The following SLC9A2 variants were observed in gnomAD, a reference collection of about 807,000 sequenced individuals.
SLC9A2 encodes the protein solute carrier family 9 member A2.
A neutral mutation model predicts 71.7 loss-of-function variants in SLC9A2; 42 were observed. That is an observed-to-expected ratio of 0.59 (90% confidence interval 0.46 to 0.76). The LOEUF (loss-of-function observed/expected upper bound fraction) is 0.76, where lower values mean the gene tolerates loss of function less well. SLC9A2 is among the 30% of genes least tolerant of loss of function. The pLI, the probability that SLC9A2 is intolerant of heterozygous loss-of-function variation, is 0.00. For synonymous variants in SLC9A2, 396 were observed against 392.5 expected, an observed-to-expected ratio of 1.01 and a Z score of -0.10; for missense variants, 829 against 1,017.4, an observed-to-expected ratio of 0.81 and a Z score of 2.52.
chr2:102,620,091 C>T lies in SLC9A2; in HGVS notation c.243C>T (p.Pro81=), dbSNP rs2104491326. 3 of 1,613,512 alleles carry T rather than the reference C, an allele frequency of 1.9e-6. No individual in the cohort carries two copies. The highest frequency in any genetic ancestry group is 1.1e-5 in the South Asian group (1 of 90,984). Reference sequence around the variant, plus strand: ...TGGATTACCCCCACGTGCAGATCCCCTTCGAGATCACCCTTTGGATCCTGC... The same window carrying T: ...TGGATTACCCCCACGTGCAGATCCCTTTCGAGATCACCCTTTGGATCCTGC... ...FTLDYPHVQI[P]FEITLWILLA... is the part of the protein sequence containing the mutation. Residue 81 remains proline, a synonymous_variant, in exon 1 of 12, where the codon CCC becomes CCT. Coordinates refer to ENST00000233969, the MANE Select transcript of SLC9A2 (RefSeq NM_003048.6).
rs13413012 is a variant in SLC9A2, at chr2:102,701,335, G to A, written c.1748+104G>A. On this transcript the variant is annotated intron_variant, in intron 8 of 11. Transcript: ENST00000233969. ...TAAAAAAATTATTATTAATTGATCC[G>A]CCCCCCTCGGCCTCCCAGAGTGCTG... 2.8e-3 allele frequency: 2,393 copies of A among 857,370 alleles called. 47 individuals carry two copies. The African/African-American group carries it at 0.038, about 14-fold the overall frequency. The allele number at this position is 857,370 out of a possible 1,614,324, so 53.1% of individuals were successfully genotyped here. A position where few individuals can be genotyped will look rare whatever the true frequency, so the allele number is the denominator to read the frequency against.
intron 11 of SLC9A2, among the ~76,000 whole-genome samples, chr2:102,707,515 G>A (rs955451276): frequency 2.6e-5 from 4 of 152,034 alleles, no homozygotes; most frequent in South Asian, 4.1e-4. Flanking sequence ...TGCCCTACCC[G>A]TAGCACTCTA....
intron 3 of SLC9A2, among the ~76,000 whole-genome samples, chr2:102,670,304 C>T (rs1677221173): frequency 6.6e-6 from 1 of 152,050 alleles, no homozygotes; most frequent in East Asian, 1.9e-4. Flanking sequence ...GCAGGAGCCA[C>T]CACGCCCGGC....
chr2:102,682,704 A>T (rs979362857), intron 3 of SLC9A2, among the ~76,000 whole-genome samples: 1 of 152,218 alleles, frequency 6.6e-6, no homozygotes, highest in Admixed American at 6.5e-5. Context: ...ACTAAGGATA[A>T]AAAGAAGTGA....
intron 10 of SLC9A2, 148 bp downstream of exon 10, chr2:102,704,823 A>T: frequency 1.3e-6 from 1 of 758,124 alleles, no homozygotes; most frequent in Non-Finnish European, 2.1e-6. Context: ...GGCCGGGGGA[A>T]GTGAGTGTTC....
At chr2:102,631,721 A>G (rs1676359964) in intron 1 of SLC9A2, among the ~76,000 whole-genome samples, 1 of 151,914 alleles carries the variant, frequency 6.6e-6, no homozygotes, top group African/African-American at 2.4e-5. Flanking sequence ...CTTTAATGTA[A>G]GGTAAAAATA....
intron 1 of SLC9A2, among the ~76,000 whole-genome samples, chr2:102,644,626 C>T (rs1274462857): frequency 6.6e-6 from 1 of 152,136 alleles, no homozygotes; most frequent in Non-Finnish European, 1.5e-5. Flanking sequence ...GAGCTTGGTG[C>T]AGGGAGGGGT....
intron 1 of SLC9A2, among the ~76,000 whole-genome samples, chr2:102,639,693 CACTT>C (rs1319250583): frequency 6.6e-6 from 1 of 152,222 alleles, no homozygotes; most frequent in Non-Finnish European, 1.5e-5. Flanking sequence ...GTCCATTAAA[CACTT>C]ACTCCCTGTC....
At chr2:102,669,263 T>C (rs1163982426) in intron 3 of SLC9A2, among the ~76,000 whole-genome samples, 1 of 152,232 alleles carries the variant, frequency 6.6e-6, no homozygotes, top group Non-Finnish European at 1.5e-5. Context: ...TTTGTGGCCC[T>C]TCCTAATATT....
intron 7 of SLC9A2, among the ~76,000 whole-genome samples, chr2:102,696,882 C>T (rs548036517): frequency 4.7e-4 from 71 of 152,244 alleles, no homozygotes; most frequent in Non-Finnish European, 7.9e-4. Flanking sequence ...GGGAAGTATT[C>T]CCTTTTCTGG....
chr2:102,640,088 T>G (rs10181400), intron 1 of SLC9A2, among the ~76,000 whole-genome samples: 1 of 151,980 alleles, frequency 6.6e-6, no homozygotes, highest in African/African-American at 2.4e-5. Context: ...AGTTAAAACA[T>G]GCACATCTGC....
intron 3 of SLC9A2, among the ~76,000 whole-genome samples, chr2:102,679,024 G>A (rs998459086): frequency 3.3e-5 from 5 of 152,132 alleles, no homozygotes; most frequent in Admixed American, 6.5e-5. Context: ...AAACAGCCCC[G>A]GACCTTTGCT....
intron 10 of SLC9A2, among the ~76,000 whole-genome samples, chr2:102,705,373 TA>T (rs1349266704): frequency 3.3e-5 from 5 of 152,074 alleles, no homozygotes; most frequent in African/African-American, 1.2e-4. Flanking sequence ...AAAGTTAATT[TA>T]AAACACTAGC....
intron 8 of SLC9A2, 30 bp from the exon 9 acceptor site, chr2:102,702,376 G>C (rs1313785872): frequency 8.2e-7 from 1 of 1,215,066 alleles, no homozygotes; most frequent in Non-Finnish European, 1.2e-6. Flanking sequence ...TTGTTGAAAG[G>C]TAAAATATTC....
intron 1 of SLC9A2, among the ~76,000 whole-genome samples, chr2:102,646,785 A>ATATATATC (rs1558706172): frequency 1.3e-5 from 2 of 148,152 alleles, no homozygotes; most frequent in African/African-American, 5.1e-5. Flanking sequence ...ATATATATAT[A>ATATATATC]TATATCTCCA....
At chr2:102,660,108 G>A (rs1488778648) in intron 2 of SLC9A2, among the ~76,000 whole-genome samples, 7 of 152,154 alleles carry the variant, frequency 4.6e-5, no homozygotes, top group Admixed American at 6.5e-5. Flanking sequence ...ACTGTTTAGA[G>A]TATGCAAAGG....
chr2:102,666,020 C>T (rs1020040625), intron 3 of SLC9A2, among the ~76,000 whole-genome samples: 4 of 151,932 alleles, frequency 2.6e-5, no homozygotes, highest in Non-Finnish European at 5.9e-5. Flanking sequence ...AAGCTTATTC[C>T]AACAAAGTTG....
At chr2:102,706,597 G>C (rs1677981487) in intron 11 of SLC9A2, among the ~76,000 whole-genome samples, 1 of 152,142 alleles carries the variant, frequency 6.6e-6, no homozygotes, top group South Asian at 2.1e-4. Context: ...AAAAGAATGA[G>C]TTCAAGAGTT....
intron 5 of SLC9A2, among the ~76,000 whole-genome samples, chr2:102,689,317 T>C (rs1205141685): frequency 1.3e-5 from 2 of 152,194 alleles, no homozygotes; most frequent in South Asian, 4.1e-4. Context: ...TCAAGAGTGC[T>C]CATTGCTTGC....
Sources: allele counts gnomAD v4.1 joint callset (sites outside exome capture counted in the v4.1 genomes callset), GRCh38; gene constraint gnomAD v4.1.1; transcripts MANE v1.5; gene names NCBI Gene and HGNC (gene_info 2026-07-23, HGNC 2026-07-21).